PLEKHA2: variants seen among roughly 807,000 people sequenced by gnomAD.
PLEKHA2 encodes pleckstrin homology domain containing A2.
PLEKHA2 carries 28 observed loss-of-function variants against 53.2 expected under a neutral mutation model. The observed-to-expected ratio is 0.53, with a 90% CI of 0.39 to 0.72. The LOEUF (loss-of-function observed/expected upper bound fraction) is 0.72. PLEKHA2 is among the 30% of genes least tolerant of loss of function. The pLI, the probability that PLEKHA2 is intolerant of heterozygous loss-of-function variation, is 0.00. For synonymous variants in PLEKHA2, 193 were observed against 196.4 expected, an observed-to-expected ratio of 0.98 and a Z score of 0.14; for missense variants, 426 against 537.9, an observed-to-expected ratio of 0.79 and a Z score of 2.06.
intron 2 of PLEKHA2, among the ~76,000 whole-genome samples, chr8:38,918,409 A>G (rs1834102714): frequency 6.7e-6 from 1 of 149,196 alleles, no homozygotes. Flanking sequence ...CATACCACAG[A>G]CACATACACA....
At chr8:38,956,941 C>T (rs572880014) in intron 9 of PLEKHA2, among the ~76,000 whole-genome samples, 6 of 152,178 alleles carry the variant, frequency 3.9e-5, no homozygotes, top group East Asian at 1.9e-4. Context: ...GCACCCGAAA[C>T]GGTGCTTCCC....
At chr8:38,969,068 T>C (rs2129425400) in intron 11 of PLEKHA2, 2 of 308,188 alleles carry the variant, frequency 6.5e-6, no homozygotes, top group South Asian at 6.8e-5. Flanking sequence ...CCAGCTGATT[T>C]TTTTGTATTT....
intron 2 of PLEKHA2, among the ~76,000 whole-genome samples, chr8:38,933,182 T>C (rs1834425407): frequency 6.6e-6 from 1 of 151,984 alleles, no homozygotes; most frequent in African/African-American, 2.4e-5. Context: ...GAGGAGAGTG[T>C]GTTGTGCAAC....
intron 2 of PLEKHA2, among the ~76,000 whole-genome samples, chr8:38,930,651 T>TGGCATGGCACGGCACCCCAC (rs771465029): frequency 2.8e-4 from 12 of 43,488 alleles, no homozygotes; most frequent in African/African-American, 1.2e-3. Context: ...CCCCACGGCA[T>TGGCATGGCACGGCACCCCAC]GGCATGGCAT....
chr8:38,918,707 G>A (rs1028903303), intron 2 of PLEKHA2, among the ~76,000 whole-genome samples: 70 of 128,446 alleles, frequency 5.4e-4, no homozygotes, highest in Admixed American at 4.6e-3. Flanking sequence ...CACCACACAC[G>A]CATGCACCTC....
chr8:38,952,539 TC>T, intron 7 of PLEKHA2, 96 bp from the exon 8 acceptor site: 3 of 1,414,644 alleles, frequency 2.1e-6, no homozygotes, highest in Non-Finnish European at 2.9e-6. Flanking sequence ...GAGCCGGACT[TC>T]CATGGGGCTG....
At chr8:38,956,030 C>T (rs1191059571) in intron 9 of PLEKHA2, among the ~76,000 whole-genome samples, 2 of 152,058 alleles carry the variant, frequency 1.3e-5, no homozygotes, top group Admixed American at 6.6e-5. Context: ...TCCAGGCTGG[C>T]CTAGAACTCA....
chr8:38,939,560 G>A (rs1834561307), intron 3 of PLEKHA2, among the ~76,000 whole-genome samples: 1 of 152,196 alleles, frequency 6.6e-6, no homozygotes, highest in Non-Finnish European at 1.5e-5. Flanking sequence ...AAGCCAGACC[G>A]TCTCTTTGAA....
In PLEKHA2 at chr8:38,969,941, C is replaced by CTGTGTG. The variant is rs150722357; in HGVS notation, c.*190_*195dup. The CTGTGTG allele has an allele frequency of 0.024, 16,655 of 694,802 alleles. 115 individuals are homozygous for CTGTGTG. Among genetic ancestry groups the CTGTGTG allele is most frequent in the African/African-American group, 0.046 (2,318 of 50,832 alleles). The allele number at this position is 694,802 out of a possible 1,614,324, so 43.0% of individuals were successfully genotyped here. ...GGAGGGAGGGGCCCATCCAGCTGGG[C>CTGTGTG]TGTGTGTGTGTGTGTGTGTGTGTGT... On this transcript the variant is annotated 3_prime_UTR_variant, in exon 12 of 12. Transcript: ENST00000617275.
At chr8:38,909,130 G>A (rs1256456416) in intron 1 of PLEKHA2, among the ~76,000 whole-genome samples, 3 of 149,630 alleles carry the variant, frequency 2.0e-5, no homozygotes, top group East Asian at 1.9e-4. Context: ...GCGACAGAGC[G>A]AGACTCTGTC....
intron 4 of PLEKHA2, among the ~76,000 whole-genome samples, chr8:38,944,912 C>G (rs921442819): frequency 6.6e-6 from 1 of 150,430 alleles, no homozygotes; most frequent in Non-Finnish European, 1.5e-5. Context: ...TTCTGTGAAC[C>G]TTATTTTAGA....
At position 38,948,085 on chromosome 8, in the gene PLEKHA2, C is replaced by CAA. The variant is rs386412587; in HGVS notation, c.345+1882_345+1883dup. Among the ~76,000 whole-genome samples, 570 of 119,040 alleles carry CAA rather than the reference C, an allele frequency of 4.8e-3. 8 individuals carry two copies. The highest frequency in any genetic ancestry group is 6.8e-3 in the African/African-American group (217 of 31,806). The allele number at this position is 119,040 out of a possible 152,430, so 78.1% of individuals were successfully genotyped here. On this transcript the variant is annotated intron_variant, in intron 5 of 11. Transcript: ENST00000617275. ...TGGGCGACAGAGCAAGACTCCATCTCAAAAAAAAAAAAAAAAAAATTGTTA... is the reference window on the plus strand; with the variant it reads ...TGGGCGACAGAGCAAGACTCCATCTCAAAAAAAAAAAAAAAAAAAAATTGTTA...
chr8:38,915,050 G>A (rs868663590), intron 1 of PLEKHA2, among the ~76,000 whole-genome samples: 27 of 152,146 alleles, frequency 1.8e-4, no homozygotes, highest in Admixed American at 1.3e-4. Context: ...GAGCTCAAGC[G>A]ATTCTCCTAC....
intron 4 of PLEKHA2, among the ~76,000 whole-genome samples, chr8:38,945,157 T>C (rs963417652): frequency 2.0e-5 from 3 of 152,254 alleles, no homozygotes; most frequent in Non-Finnish European, 2.9e-5. Flanking sequence ...GCTCCTACTA[T>C]GTTCTCACAG....
chr8:38,915,150 T>C (rs1236157757), intron 1 of PLEKHA2, among the ~76,000 whole-genome samples: 1 of 152,138 alleles, frequency 6.6e-6, no homozygotes, highest in Non-Finnish European at 1.5e-5. Context: ...CTCACTGTGT[T>C]GCGCACGTTG....
rs1835277225 is a variant in PLEKHA2 at position 38,972,831 on chromosome 8, G to A, written c.*3048G>A. The A allele has an allele frequency of 6.6e-6, 1 of 151,844 alleles. No homozygotes were observed. The highest frequency in any genetic ancestry group is 1.9e-4 in the East Asian group (1 of 5,180). 9.4% of individuals were successfully genotyped at this position (151,844 alleles called of 1,614,324 possible). On this transcript the variant is annotated 3_prime_UTR_variant, in exon 12 of 12. Coordinates refer to ENST00000617275, the MANE Select transcript of PLEKHA2 (RefSeq NM_021623.2). ...ATTTTCTTTGTGGAATAAAAGCCTT[G>A]CCTGAGTTGTGCTATTTTCATAAGG...
chr8:38,920,503 C>T (rs1428665902), intron 2 of PLEKHA2, among the ~76,000 whole-genome samples: 1 of 151,048 alleles, frequency 6.6e-6, no homozygotes, highest in African/African-American at 2.4e-5. Context: ...TTGAACTCCT[C>T]ACCTCAAGTG....
At chr8:38,940,093 TAAAAAAAA>T (rs71216698) in intron 3 of PLEKHA2, among the ~76,000 whole-genome samples, 10 of 106,640 alleles carry the variant, frequency 9.4e-5, no homozygotes, top group Non-Finnish European at 1.3e-4. Flanking sequence ...CCCTATCTCT[TAAAAAAAA>T]AAAAAAAAAA....
intron 3 of PLEKHA2, among the ~76,000 whole-genome samples, chr8:38,939,602 G>A (rs1036592362): frequency 1.3e-5 from 2 of 152,248 alleles, no homozygotes; most frequent in Admixed American, 6.5e-5. Flanking sequence ...CACATGGGTA[G>A]CATTCTCACA....
Sources: allele counts gnomAD v4.1 joint callset (sites outside exome capture counted in the v4.1 genomes callset), GRCh38; gene constraint gnomAD v4.1.1; transcripts MANE v1.5; gene names NCBI Gene and HGNC (gene_info 2026-07-23, HGNC 2026-07-21).